Variants in CDKN2B-AS1 observed in about 807,000 individuals in gnomAD.
CDKN2B-AS1 encodes the protein CDKN2B and CDKN2A antisense cis and trans regulatory RNA 1, also known as CDKN2B antisense RNA 1 (non-protein coding).
chr9:22,021,120 A>G lies in CDKN2B-AS1; in HGVS notation n.30-25631A>G, dbSNP rs185606522. 1.3e-3 allele frequency among the ~76,000 whole-genome samples: 201 copies of G among 152,278 alleles called. 1 individual carries two copies. Among genetic ancestry groups the G allele is most frequent in the African/African-American group, 4.5e-3 (189 of 41,552 alleles). ...CTAGCCAGTTATCCCAGCACCATTT[A>G]TTGAATAGGGAATCTGTTCTCCATT... On this transcript the variant is annotated intron_variant and non_coding_transcript_variant, in intron 1 of 4. Coordinates refer to ENST00000650946, the Ensembl canonical transcript of CDKN2B-AS1.
chr9:22,029,059 A>T (rs1302006119), intron 1 of CDKN2B-AS1, among the ~76,000 whole-genome samples: 1 of 27,500 alleles, frequency 3.6e-5, no homozygotes, highest in Non-Finnish European at 5.5e-5. Context: ...TACAAAAATT[A>T]AAAAAAAAAA....
chr9:22,067,006 T>C (rs1389783201), intron 4 of CDKN2B-AS1, among the ~76,000 whole-genome samples: 4 of 151,866 alleles, frequency 2.6e-5, no homozygotes, highest in African/African-American at 4.8e-5. Flanking sequence ...TAGGTGGGAG[T>C]TGAACAATGA....
chr9:22,022,894 T>C (rs1021760147), intron 1 of CDKN2B-AS1, among the ~76,000 whole-genome samples: 3 of 152,214 alleles, frequency 2.0e-5, no homozygotes, highest in Non-Finnish European at 4.4e-5. Flanking sequence ...AAACTTAGTT[T>C]GACCAGATAT....
At chr9:22,087,314 T>C (rs1824897525) in intron 4 of CDKN2B-AS1, among the ~76,000 whole-genome samples, 1 of 152,166 alleles carries the variant, frequency 6.6e-6, no homozygotes, top group South Asian at 2.1e-4. Context: ...CTTCAGACCA[T>C]GAGGGGACAA....
At chr9:22,093,656 T>C (rs1358755793) in intron 4 of CDKN2B-AS1, among the ~76,000 whole-genome samples, 3 of 140,910 alleles carry the variant, frequency 2.1e-5, no homozygotes, top group Non-Finnish European at 4.5e-5. Flanking sequence ...CCTTTTTTTG[T>C]TTTCCATTTG....
At chr9:22,096,822 T>G (rs1325063044) in intron 4 of CDKN2B-AS1, among the ~76,000 whole-genome samples, 1 of 152,172 alleles carries the variant, frequency 6.6e-6, no homozygotes, top group Non-Finnish European at 1.5e-5. Flanking sequence ...CCACCTGGCC[T>G]TCTCCAGCTC....
At chr9:22,057,829 T>A (rs1823636929) in intron 4 of CDKN2B-AS1, among the ~76,000 whole-genome samples, 1 of 150,184 alleles carries the variant, frequency 6.7e-6, no homozygotes, top group African/African-American at 2.4e-5. Flanking sequence ...AGCAACCCAG[T>A]GATAGGCTGG....
chr9:21,995,079 G>A (rs1820582087), upstream of CDKN2B-AS1: 1 of 152,122 alleles, frequency 6.6e-6, no homozygotes, highest in Non-Finnish European at 1.5e-5. This position sits in a 1 kb window ranked among gnomAD's most constrained non-coding sequence, Gnocchi z 5.7. Flanking sequence ...AAACTAAACC[G>A]CTGCACGCCT....
At chr9:22,029,173 C>G (rs1158544638) in intron 1 of CDKN2B-AS1, among the ~76,000 whole-genome samples, 1 of 152,072 alleles carries the variant, frequency 6.6e-6, no homozygotes, top group Non-Finnish European at 1.5e-5. Flanking sequence ...TCCCCTTCCC[C>G]AAAGGGTGAC....
intron 1 of CDKN2B-AS1, among the ~76,000 whole-genome samples, chr9:22,011,744 A>G (rs1587395186): frequency 6.6e-6 from 1 of 152,238 alleles, no homozygotes; most frequent in Admixed American, 6.5e-5. Context: ...TGTCTTGGAC[A>G]ATAGAGTGAG....
intron 1 of CDKN2B-AS1, chr9:22,029,444 A>G (rs1474467520): frequency 2.6e-6 from 2 of 779,506 alleles, no homozygotes; most frequent in Non-Finnish European, 4.8e-6. Flanking sequence ...ACTATTTGCC[A>G]CGACATTTCA....
intron 4 of CDKN2B-AS1, among the ~76,000 whole-genome samples, chr9:22,069,234 G>A (rs1271737013): frequency 2.0e-5 from 3 of 152,132 alleles, no homozygotes; most frequent in Non-Finnish European, 4.4e-5. Context: ...CTCTGGCATA[G>A]TAACCTCTGA....
intron 1 of CDKN2B-AS1, among the ~76,000 whole-genome samples, chr9:22,022,239 A>G (rs1435933286): frequency 6.6e-6 from 1 of 151,934 alleles, no homozygotes; most frequent in African/African-American, 2.4e-5. Flanking sequence ...TGATCTGTCT[A>G]ATATTCTCAC....
chr9:22,071,608 C>A (rs1332159331), intron 4 of CDKN2B-AS1, among the ~76,000 whole-genome samples: 1 of 152,024 alleles, frequency 6.6e-6, no homozygotes, highest in East Asian at 1.9e-4. Context: ...CTTTCTGGGA[C>A]TGTATTCATT....
At chr9:22,028,468 A>G (rs999082880) in intron 1 of CDKN2B-AS1, among the ~76,000 whole-genome samples, 2 of 152,166 alleles carry the variant, frequency 1.3e-5, no homozygotes, top group African/African-American at 4.8e-5. Context: ...AACAAGACAT[A>G]GTTAAAATGA....
At chr9:22,089,231 A>C (rs1380728171) in intron 4 of CDKN2B-AS1, among the ~76,000 whole-genome samples, 1 of 152,202 alleles carries the variant, frequency 6.6e-6, no homozygotes, top group Non-Finnish European at 1.5e-5. Context: ...ACTATGTAAT[A>C]AGACCCAGAA....
At chr9:22,063,098 A>G (rs1049654800) in intron 4 of CDKN2B-AS1, among the ~76,000 whole-genome samples, 1 of 151,938 alleles carries the variant, frequency 6.6e-6, no homozygotes, top group African/African-American at 2.4e-5. Context: ...TGAAGTTTTA[A>G]TGGTGCTTAG....
At position 22,005,891 on chromosome 9, in the gene CDKN2B-AS1, C is replaced by A; in HGVS notation, n.29+10730C>A. On this transcript the variant is annotated intron_variant and non_coding_transcript_variant, in intron 1 of 4. Coordinates refer to ENST00000650946, the Ensembl canonical transcript of CDKN2B-AS1. The surrounding 1 kb of genome is among the most constrained non-coding windows in gnomAD (Gnocchi z 4.9). The stretch of plus-strand genomic sequence containing the variant: ...GGCTTGCAGGCTTACAGGCTTTCCG[C>A]CGCTCCCCGTTGGCAGCCTTCATCG... 1.3e-6 allele frequency: 2 copies of A among 1,506,810 alleles called. No homozygotes were observed. Among genetic ancestry groups the A allele is most frequent in the Non-Finnish European group, 1.8e-6 (2 of 1,117,006 alleles). The allele number at this position is 1,506,810 out of a possible 1,614,324, so 93.3% of individuals were successfully genotyped here.
Position 22,049,380 on chromosome 9 carries a change from G to A in CDKN2B-AS1, n.302+152G>A, listed in dbSNP as rs541622239. ...TCTTTCCTACTCTGTCCAAACACAA[G>A]CCTCTGTGACATTTATCAAAGAAAT... On this transcript the variant is annotated intron_variant and non_coding_transcript_variant, in intron 3 of 4. Coordinates refer to ENST00000650946, the Ensembl canonical transcript of CDKN2B-AS1. Among the ~76,000 whole-genome samples, 3 of 152,316 alleles carry A rather than the reference G, an allele frequency of 2.0e-5. No homozygotes were observed. The South Asian group carries it at 6.2e-4, about 32-fold the overall frequency.
Sources: gnomAD v4.1 joint callset for allele counts (sites outside exome capture counted in the v4.1 genomes callset) on GRCh38, gnomAD v4.1.1 for gene constraint, Gnocchi (gnomAD v3.1) non-coding constraint, MANE v1.5 for transcripts, NCBI Gene and HGNC (gene_info 2026-07-23, HGNC 2026-07-21) for gene names.